The following SLIT3 variants were observed in gnomAD, a reference collection of about 807,000 sequenced individuals.
SLIT3 encodes the protein slit homolog 3 protein.
SLIT3 carries 68 observed loss-of-function variants against 184.0 expected under a neutral mutation model. That is an observed-to-expected ratio of 0.37 (90% confidence interval 0.30 to 0.45). SLIT3 has a LOEUF of 0.45. SLIT3 is among the 20% of genes least tolerant of loss of function. SLIT3 has a pLI of 1.00. For missense variants in SLIT3, 1,707 were observed against 2,026.0 expected, an observed-to-expected ratio of 0.84 and a Z score of 3.02; for synonymous variants, 831 against 828.6, an observed-to-expected ratio of 1.00 and a Z score of -0.05.
At chr5:168,703,281 G>T (rs954692419) in intron 26 of SLIT3, among the ~76,000 whole-genome samples, 4 of 123,296 alleles carry the variant, frequency 3.2e-5, no homozygotes, top group African/African-American at 6.0e-5. Context: ...TGTGTGTGTA[G>T]GACATGGCCA....
At chr5:168,863,743 A>G (rs1245448343) in intron 5 of SLIT3, among the ~76,000 whole-genome samples, 1 of 152,212 alleles carries the variant, frequency 6.6e-6, no homozygotes, top group Non-Finnish European at 1.5e-5. Flanking sequence ...TTTAACTCAT[A>G]AAATTGTTTT....
At chr5:169,123,504 A>G (rs1378934612) in intron 4 of SLIT3, among the ~76,000 whole-genome samples, 2 of 152,220 alleles carry the variant, frequency 1.3e-5, no homozygotes, top group East Asian at 1.9e-4. Context: ...ACCATAGCCA[A>G]TGCCACAGAC....
At chr5:169,065,475 G>A (rs1758319239) in intron 4 of SLIT3, among the ~76,000 whole-genome samples, 1 of 152,182 alleles carries the variant, frequency 6.6e-6, no homozygotes, top group African/African-American at 2.4e-5. Context: ...GTAGAGTTGA[G>A]CCCACGTCCT....
At chr5:168,827,447 A>G (rs1291989679) in intron 6 of SLIT3, among the ~76,000 whole-genome samples, 1 of 152,186 alleles carries the variant, frequency 6.6e-6, no homozygotes, top group Non-Finnish European at 1.5e-5. Context: ...TTTAAAAAAT[A>G]TATTTGAACA....
intron 28 of SLIT3, among the ~76,000 whole-genome samples, chr5:168,693,792 C>A (rs559211247): frequency 6.6e-6 from 1 of 152,220 alleles, no homozygotes; most frequent in East Asian, 1.9e-4. Context: ...TGGGGAGAGG[C>A]TGACCCCAAC....
intron 1 of SLIT3, among the ~76,000 whole-genome samples, chr5:169,263,372 CA>C (rs1471534475): frequency 6.6e-6 from 1 of 151,864 alleles, no homozygotes; most frequent in Admixed American, 6.6e-5. Context: ...GACAGACATG[CA>C]GGTATAGTGC....
intron 4 of SLIT3, among the ~76,000 whole-genome samples, chr5:169,180,477 T>C (rs1763119408): frequency 1.3e-5 from 2 of 152,118 alleles, no homozygotes; most frequent in Non-Finnish European, 2.9e-5. Flanking sequence ...AACACAGGAA[T>C]AGGAGACACA....
intron 10 of SLIT3, among the ~76,000 whole-genome samples, chr5:168,794,551 T>A (rs928421102): frequency 6.6e-6 from 1 of 152,164 alleles, no homozygotes. Context: ...ACAGCAGGGT[T>A]GGTATCACCC....
intron 4 of SLIT3, among the ~76,000 whole-genome samples, chr5:169,014,584 T>C (rs1298248867): frequency 6.6e-6 from 1 of 152,182 alleles, no homozygotes; most frequent in Non-Finnish European, 1.5e-5. Context: ...CAGTGCCTTT[T>C]GCACACAGGA....
intron 4 of SLIT3, among the ~76,000 whole-genome samples, chr5:169,085,891 C>T (rs296010): frequency 0.015 from 2,357 of 152,270 alleles, 59 homozygotes; most frequent in African/African-American, 0.054. Flanking sequence ...CCTTTCAAAG[C>T]TGGTCCAACG....
At position 168,692,606 on chromosome 5, in the gene SLIT3, C is replaced by T; in HGVS notation, c.3176+1G>A. 1.2e-6 allele frequency: 2 copies of T among 1,612,030 alleles called. No individual in the cohort carries two copies. Among genetic ancestry groups the T allele is most frequent in the Non-Finnish European group, 1.7e-6 (2 of 1,178,418 alleles). ...GCTGGGGGCACGAAGCCAGGTCTTA[C>T]CTGAATCCTTTGTCCAGGGGGATGC... On this transcript the variant is annotated splice_donor_variant, in intron 29 of 35. Transcript: ENST00000519560. LOFTEE classifies it high-confidence loss of function.
chr5:168,799,339 C>A (rs1453187455), intron 9 of SLIT3, among the ~76,000 whole-genome samples: 1 of 152,228 alleles, frequency 6.6e-6, no homozygotes, highest in African/African-American at 2.4e-5. Flanking sequence ...TCTTAACTGG[C>A]ACATGTGTCT....
chr5:168,897,349 G>T (rs1362628976), intron 4 of SLIT3, among the ~76,000 whole-genome samples: 8 of 152,080 alleles, frequency 5.3e-5, no homozygotes, highest in East Asian at 1.9e-4. Flanking sequence ...CAGAAAGTCA[G>T]CCTCTGAGTG....
intron 20 of SLIT3, among the ~76,000 whole-genome samples, chr5:168,739,130 A>G (rs190202234): frequency 2.7e-4 from 41 of 152,312 alleles, no homozygotes; most frequent in Admixed American, 2.0e-3. Flanking sequence ...ATATTGTATA[A>G]TGAAATGTGT....
chr5:168,877,750 C>G (rs189554844), intron 5 of SLIT3, among the ~76,000 whole-genome samples: 2 of 152,258 alleles, frequency 1.3e-5, no homozygotes, highest in Admixed American at 1.3e-4. Flanking sequence ...CTGGCAGAGA[C>G]AGGGGTTATT....
At chr5:168,702,523 C>T (rs1378556335) in intron 26 of SLIT3, among the ~76,000 whole-genome samples, 2 of 152,096 alleles carry the variant, frequency 1.3e-5, no homozygotes, top group African/African-American at 4.8e-5. Flanking sequence ...TCTAAGTTGG[C>T]TGCTGTGTTC....
chr5:169,178,062 C>T (rs1763038566), intron 4 of SLIT3, among the ~76,000 whole-genome samples: 1 of 152,212 alleles, frequency 6.6e-6, no homozygotes, highest in South Asian at 2.1e-4. Flanking sequence ...GAACCACTCA[C>T]AATTTTTCTA....
At chr5:168,807,928 GATCCT>G in intron 8 of SLIT3, among the ~76,000 whole-genome samples, 1 of 152,104 alleles carries the variant, frequency 6.6e-6, no homozygotes, top group Admixed American at 6.5e-5. Flanking sequence ...CCCAAGGGTG[GATCCT>G]CCTGCAGGGG....
intron 32 of SLIT3, 79 bp downstream of exon 32, chr5:168,683,886 TC>T: frequency 7.6e-7 from 1 of 1,317,146 alleles, no homozygotes; most frequent in Non-Finnish European, 1.0e-6. Context: ...TTCTCCTGAA[TC>T]CCCCTTCTGA....
Sources: gnomAD v4.1 joint callset for allele counts (sites outside exome capture counted in the v4.1 genomes callset) on GRCh38, gnomAD v4.1.1 for gene constraint, MANE v1.5 for transcripts, NCBI Gene and HGNC (gene_info 2026-07-23, HGNC 2026-07-21) for gene names.